GRAP2: variants seen among roughly 807,000 people sequenced by gnomAD.
The protein encoded by GRAP2 is GRB2-related adapter protein 2.
GRAP2 carries 31 observed loss-of-function variants against 43.5 expected under a neutral mutation model. The observed-to-expected ratio is 0.71, with a 90% CI of 0.54 to 0.96. The LOEUF (loss-of-function observed/expected upper bound fraction) is 0.96. Ranked by LOEUF, GRAP2 falls within the 40% of genes least tolerant of loss-of-function variation. GRAP2 has a pLI of 0.00. For synonymous variants in GRAP2, 156 were observed against 164.8 expected (o/e 0.95, Z 0.41); for missense variants, 371 against 424.4 (o/e 0.87, Z 1.11).
chr22:39,943,922 T>G (rs188097679), intron 1 of GRAP2, among the ~76,000 whole-genome samples: 9 of 152,044 alleles, frequency 5.9e-5, no homozygotes, highest in African/African-American at 2.2e-4. Context: ...GTTTTCACCA[T>G]GTTGGCCAGG....
upstream of GRAP2, among the ~76,000 whole-genome samples, chr22:39,897,150 C>G (rs2066469102): frequency 6.6e-6 from 1 of 152,158 alleles, no homozygotes; most frequent in African/African-American, 2.4e-5. Flanking sequence ...ATCTAACTAC[C>G]TTGACCTCTA....
At chr22:39,965,861 G>T (rs2067167033) in intron 4 of GRAP2, 129 bp from the exon 5 acceptor site, 1 of 807,358 alleles carries the variant, frequency 1.2e-6, no homozygotes, top group Admixed American at 2.1e-5. Flanking sequence ...CACCTGCCCA[G>T]TGATGAGTGA....
chr22:39,930,261 C>T (rs563885924), intron 1 of GRAP2, among the ~76,000 whole-genome samples: 2 of 152,284 alleles, frequency 1.3e-5, no homozygotes, highest in South Asian at 4.1e-4. Flanking sequence ...CCCCTTCCAA[C>T]TGGTCATAAT....
intron 1 of GRAP2, among the ~76,000 whole-genome samples, chr22:39,936,023 G>A (rs2066803124): frequency 6.6e-6 from 1 of 152,054 alleles, no homozygotes; most frequent in South Asian, 2.1e-4. Flanking sequence ...TGAACAGAAG[G>A]GAAGAGGGAA....
chr22:39,935,584 T>G (rs2066798553), intron 1 of GRAP2, among the ~76,000 whole-genome samples: 1 of 152,220 alleles, frequency 6.6e-6, no homozygotes, highest in African/African-American at 2.4e-5. Flanking sequence ...TGGCATTTTT[T>G]TAGTACCTTT....
chr22:39,933,933 G>C (rs2066781707), intron 1 of GRAP2, among the ~76,000 whole-genome samples: 1 of 152,120 alleles, frequency 6.6e-6, no homozygotes, highest in African/African-American at 2.4e-5. Context: ...ATAGGGTGGA[G>C]GAGGAACAGG....
At chr22:39,933,322 G>A (rs1269465234) in intron 1 of GRAP2, among the ~76,000 whole-genome samples, 1 of 152,352 alleles carries the variant, frequency 6.6e-6, no homozygotes, top group Admixed American at 6.5e-5. Flanking sequence ...AGGAAGACCA[G>A]TGCAGAGACA....
chr22:39,913,921 T>C (rs1360623881), intron 1 of GRAP2, among the ~76,000 whole-genome samples: 1 of 152,180 alleles, frequency 6.6e-6, no homozygotes, highest in Non-Finnish European at 1.5e-5. Flanking sequence ...CATCCCACCC[T>C]GCACACAGTG....
chr22:39,956,639 T>A (rs2067056188), intron 3 of GRAP2, among the ~76,000 whole-genome samples: 1 of 151,986 alleles, frequency 6.6e-6, no homozygotes, highest in Admixed American at 6.6e-5. Flanking sequence ...CAGCTAACTT[T>A]TGTATTTTTA....
At chr22:39,895,989 T>C in the GRAP2 span, among the ~76,000 whole-genome samples, 10 of 152,314 alleles carry the variant, frequency 6.6e-5, no homozygotes, top group East Asian at 1.7e-3. Flanking sequence ...ATCTCCTGTG[T>C]CTAGCTCTTT....
intron 1 of GRAP2, among the ~76,000 whole-genome samples, chr22:39,917,296 C>A (rs1033429124): frequency 1.3e-5 from 2 of 152,110 alleles, no homozygotes; most frequent in African/African-American, 4.8e-5. Flanking sequence ...CAGCCCAAAG[C>A]CCCCCTCTCT....
intron 1 of GRAP2, chr22:39,926,923 G>A: frequency 3.7e-6 from 3 of 820,574 alleles, no homozygotes; most frequent in East Asian, 1.2e-4. Context: ...GGCAGAAGCT[G>A]CCACCCACTG....
chr22:39,895,119 T>C, the GRAP2 span, among the ~76,000 whole-genome samples: 4 of 152,140 alleles, frequency 2.6e-5, no homozygotes, highest in South Asian at 2.1e-4. Flanking sequence ...CAGAGGGAAG[T>C]TGGATCATGA....
At chr22:39,917,746 G>A (rs1428080866) in intron 1 of GRAP2, among the ~76,000 whole-genome samples, 2 of 152,194 alleles carry the variant, frequency 1.3e-5, no homozygotes, top group Non-Finnish European at 2.9e-5. Flanking sequence ...GCAGAATTGT[G>A]CATGCTCCAT....
At chr22:39,964,509 GA>G in intron 4 of GRAP2, 1 of 1,009,866 alleles carries the variant, frequency 9.9e-7, no homozygotes, top group Non-Finnish European at 1.6e-6. Flanking sequence ...TGCTAAAAGC[GA>G]AGGTCGTGGG....
chr22:39,944,887 AG>A (rs2066906558), intron 1 of GRAP2, among the ~76,000 whole-genome samples: 1 of 152,224 alleles, frequency 6.6e-6, no homozygotes, highest in South Asian at 2.1e-4. Context: ...CTGCTTATTA[AG>A]GTGAATTTGC....
chr22:39,914,650 C>T (rs1442749994), intron 1 of GRAP2, among the ~76,000 whole-genome samples: 1 of 152,080 alleles, frequency 6.6e-6, no homozygotes, highest in African/African-American at 2.4e-5. Flanking sequence ...TTGATGCATC[C>T]AACATCAGTG....
intron 1 of GRAP2, among the ~76,000 whole-genome samples, chr22:39,919,532 C>A (rs936588384): frequency 5.3e-5 from 8 of 152,188 alleles, no homozygotes; most frequent in African/African-American, 1.9e-4. Flanking sequence ...AATCTTCATG[C>A]AAACTCATCA....
chr22:39,949,943 T>G (rs1312609357), intron 2 of GRAP2, among the ~76,000 whole-genome samples: 1 of 152,214 alleles, frequency 6.6e-6, no homozygotes, highest in African/African-American at 2.4e-5. Context: ...TATCATTTCC[T>G]TGCTCAAAAG....
Sources: allele counts gnomAD v4.1 joint callset (sites outside exome capture counted in the v4.1 genomes callset), GRCh38; gene constraint gnomAD v4.1.1; transcripts MANE v1.5; gene names NCBI Gene and HGNC (gene_info 2026-07-23, HGNC 2026-07-21).